ST6GALNAC5: variants seen among roughly 807,000 people sequenced by gnomAD.
ST6GALNAC5 encodes the protein alpha-N-acetylgalactosaminide alpha-2,6-sialyltransferase 5.
A neutral mutation model predicts 33.6 loss-of-function variants in ST6GALNAC5; 27 were observed. The ratio of observed to expected loss-of-function variants is 0.80; its 90% CI spans 0.59 to 1.11. The LOEUF (loss-of-function observed/expected upper bound fraction) is 1.11. Among genes scored for constraint, ST6GALNAC5 ranks in the 50% least tolerant of loss-of-function variants. The pLI, the probability that ST6GALNAC5 is intolerant of heterozygous loss-of-function variation, is 0.00. For synonymous variants in ST6GALNAC5, 194 were observed against 171.2 expected, an observed-to-expected ratio of 1.13 and a Z score of -1.04; for missense variants, 428 against 454.0, an observed-to-expected ratio of 0.94 and a Z score of 0.52.
intron 2 of ST6GALNAC5, among the ~76,000 whole-genome samples, chr1:77,030,164 C>A (rs1651400267): frequency 6.6e-6 from 1 of 152,168 alleles, no homozygotes; most frequent in African/African-American, 2.4e-5. Flanking sequence ...TATTTACTAA[C>A]CCATTCATGT....
chr1:77,043,594 G>A (rs564909525), intron 2 of ST6GALNAC5, among the ~76,000 whole-genome samples: 1 of 152,136 alleles, frequency 6.6e-6, no homozygotes, highest in Non-Finnish European at 1.5e-5. Context: ...GCCTCTAAGG[G>A]GTTACAATCA....
chr1:76,932,974 C>T (rs2100312564), intron 2 of ST6GALNAC5, among the ~76,000 whole-genome samples: 1 of 152,226 alleles, frequency 6.6e-6, no homozygotes, highest in East Asian at 1.9e-4. Context: ...GTCACCATCC[C>T]TGTTTTCCCC....
At chr1:76,908,234 T>C (rs1364815494) in intron 2 of ST6GALNAC5, among the ~76,000 whole-genome samples, 1 of 152,124 alleles carries the variant, frequency 6.6e-6, no homozygotes, top group East Asian at 1.9e-4. Context: ...TGTCTCACAG[T>C]TCTGGAGGCT....
In ST6GALNAC5 at chr1:76,988,980, G is replaced by A. The variant is rs1649617797; in HGVS notation, c.262-55224G>A. On this transcript the variant is annotated intron_variant, in intron 2 of 4. Coordinates refer to ENST00000477717, the MANE Select transcript of ST6GALNAC5 (RefSeq NM_030965.3). ...TATATTCTTATCTCAAAGTCTCTTT[G>A]CTTGAGAATCTCATGGGATTGTATC... 3.9e-5 allele frequency among the ~76,000 whole-genome samples: 6 copies of A among 152,072 alleles called. No individual in the cohort carries two copies. The South Asian group carries it at 1.2e-3, about 32-fold the overall frequency.
At position 76,965,927 on chromosome 1, in the gene ST6GALNAC5, T is replaced by C. The variant is rs574793843; in HGVS notation, c.262-78277T>C. Reference sequence around the variant, plus strand: ...AGATCAGATGGTTGTAGATGTGTGGTGTTATTTCTGAGGCCTCTGTTCTGC... The same window carrying C: ...AGATCAGATGGTTGTAGATGTGTGGCGTTATTTCTGAGGCCTCTGTTCTGC... On this transcript the variant is annotated intron_variant, in intron 2 of 4. Transcript: ENST00000477717. Among the ~76,000 whole-genome samples the C allele has an allele frequency of 1.1e-4, 16 of 152,280 alleles. No homozygotes were observed. In the South Asian group the frequency reaches 2.3e-3, roughly 22 times the overall value.
In ST6GALNAC5 at chr1:76,870,052, A is replaced by ATTAT. The variant is rs112133340; in HGVS notation, c.261+1328_261+1331dup. ...GAGGAATCAATTTCATTAGGAAGTG[A>ATTAT]TTATTTATTTATTTATTTATTGTTG... On this transcript the variant is annotated intron_variant, in intron 2 of 4. Coordinates refer to ENST00000477717, the MANE Select transcript of ST6GALNAC5 (RefSeq NM_030965.3). Among the ~76,000 whole-genome samples, 47 of 152,176 alleles carry ATTAT rather than the reference A, an allele frequency of 3.1e-4. 6 individuals are homozygous for ATTAT. Among genetic ancestry groups the ATTAT allele is most frequent in the South Asian group, 1.5e-3 (7 of 4,816 alleles).
At chr1:76,903,735 G>A (rs1454173095) in intron 2 of ST6GALNAC5, among the ~76,000 whole-genome samples, 1 of 152,122 alleles carries the variant, frequency 6.6e-6, no homozygotes, top group Non-Finnish European at 1.5e-5. Flanking sequence ...TGAAAATACA[G>A]CAGTTAGTGA....
At chr1:76,898,996 G>A (rs1051623905) in intron 2 of ST6GALNAC5, among the ~76,000 whole-genome samples, 1 of 152,058 alleles carries the variant, frequency 6.6e-6, no homozygotes, top group Non-Finnish European at 1.5e-5. Flanking sequence ...ACTAGGGAGG[G>A]ACTGATGTGT....
chr1:77,001,007 A>G (rs1008456143), intron 2 of ST6GALNAC5, among the ~76,000 whole-genome samples: 3 of 151,650 alleles, frequency 2.0e-5, no homozygotes, highest in Admixed American at 1.3e-4. Flanking sequence ...ACTTTAAAGT[A>G]GTTTTTTCCA....
chr1:76,952,450 CCTT>C (rs1647787874), intron 2 of ST6GALNAC5, among the ~76,000 whole-genome samples: 3 of 151,914 alleles, frequency 2.0e-5, no homozygotes, highest in Non-Finnish European at 4.4e-5. Flanking sequence ...AGATTAGTGA[CCTT>C]ATAAAAAGAG....
intron 2 of ST6GALNAC5, among the ~76,000 whole-genome samples, chr1:77,027,466 T>C (rs1170055383): frequency 1.3e-5 from 2 of 152,142 alleles, no homozygotes; most frequent in Non-Finnish European, 2.9e-5. Context: ...GACTGCAATC[T>C]CCTGAGAAAT....
intron 2 of ST6GALNAC5, among the ~76,000 whole-genome samples, chr1:76,886,836 CA>C (rs1462965145): frequency 2.6e-5 from 4 of 152,136 alleles, no homozygotes; most frequent in Non-Finnish European, 5.9e-5. Context: ...TTTTATTTAG[CA>C]TAATGTTTTT....
At chr1:76,937,222 T>TTTTATTA (rs1647218087) in intron 2 of ST6GALNAC5, among the ~76,000 whole-genome samples, 1 of 151,922 alleles carries the variant, frequency 6.6e-6, no homozygotes, top group South Asian at 2.1e-4. Flanking sequence ...TGCAAGTGGT[T>TTTTATTA]TTTATTATTT....
At chr1:77,047,250 C>CT (rs1267086066) in intron 3 of ST6GALNAC5, among the ~76,000 whole-genome samples, 4 of 152,180 alleles carry the variant, frequency 2.6e-5, no homozygotes, top group African/African-American at 4.8e-5. Context: ...ACTCTATTGA[C>CT]TTAATATTCT....
chr1:77,029,591 C>T (rs1651374992), intron 2 of ST6GALNAC5, among the ~76,000 whole-genome samples: 1 of 152,226 alleles, frequency 6.6e-6, no homozygotes, highest in African/African-American at 2.4e-5. Context: ...AACGAAGTCC[C>T]TGACTGGGCA....
chr1:76,887,468 C>G (rs1173939920), intron 2 of ST6GALNAC5, among the ~76,000 whole-genome samples: 1 of 152,048 alleles, frequency 6.6e-6, no homozygotes, highest in Admixed American at 6.5e-5. Context: ...CCTTTTATAT[C>G]TTTTTTCATC....
Position 76,945,639 on chromosome 1 carries a change from T to A in ST6GALNAC5, c.261+76897T>A, listed in dbSNP as rs147315320. On this transcript the variant is annotated intron_variant, in intron 2 of 4. Transcript: ENST00000477717. ...TACTCTTTTCTGGAATATATGATAA[T>A]CCTGTGCTTTACTTTCTCATGAAGG... Among the ~76,000 whole-genome samples the A allele has an allele frequency of 5.4e-3, 827 of 152,262 alleles. 5 individuals are homozygous for A. Among genetic ancestry groups the A allele is most frequent in the African/African-American group, 0.019 (791 of 41,578 alleles).
At position 77,005,344 on chromosome 1, in the gene ST6GALNAC5, C is replaced by T. The variant is rs574443527; in HGVS notation, c.262-38860C>T. ...AGTGAGGCAATGCCTCGCCCTGCTT[C>T]GGCTCGCGCACGGTGCGCACACCCA... On this transcript the variant is annotated intron_variant, in intron 2 of 4. Transcript: ENST00000477717. Among the ~76,000 whole-genome samples the T allele has an allele frequency of 7.6e-4, 116 of 152,344 alleles. 1 individual carries two copies. The highest frequency in any genetic ancestry group is 2.2e-3 in the African/African-American group (92 of 41,590).
intron 2 of ST6GALNAC5, among the ~76,000 whole-genome samples, chr1:77,035,831 TG>T (rs1345478975): frequency 6.6e-6 from 1 of 152,236 alleles, no homozygotes; most frequent in Admixed American, 6.5e-5. Flanking sequence ...GTAGCCACTT[TG>T]GAAAGTAGTT....
Sources: gnomAD v4.1 joint callset for allele counts (sites outside exome capture counted in the v4.1 genomes callset) on GRCh38, gnomAD v4.1.1 for gene constraint, MANE v1.5 for transcripts, NCBI Gene and HGNC (gene_info 2026-07-23, HGNC 2026-07-21) for gene names.